KIAA1549L: variants seen among roughly 807,000 people sequenced by gnomAD.
KIAA1549L encodes the protein UPF0606 protein KIAA1549L.
A neutral mutation model predicts 160.7 loss-of-function variants in KIAA1549L; 88 were observed. The observed-to-expected ratio is 0.55, with a 90% CI of 0.46 to 0.65. The LOEUF is 0.65. Ranked by LOEUF, KIAA1549L falls within the 30% of genes least tolerant of loss-of-function variation. The pLI is 0.00. For synonymous variants in KIAA1549L, 950 were observed against 976.7 expected, an observed-to-expected ratio of 0.97 and a Z score of 0.51; for missense variants, 2,258 against 2,437.5, an observed-to-expected ratio of 0.93 and a Z score of 1.55.
Position 33,660,831 on chromosome 11 carries a change from T to C in KIAA1549L, c.6008-32T>C, listed in dbSNP as rs564980112. 19 of 1,610,718 alleles carry C rather than the reference T, an allele frequency of 1.2e-5. 1 individual carries two copies. In the East Asian group the frequency reaches 1.6e-4, roughly 13 times the overall value. Reference sequence around the variant, plus strand: ...GCTGGATCCCTCAGACCAGCCTCTCTTAACCTCCCTCCTCCATTTCCTCCA... The same window carrying C: ...GCTGGATCCCTCAGACCAGCCTCTCCTAACCTCCCTCCTCCATTTCCTCCA... On this transcript the variant is annotated intron_variant, in intron 19 of 20. Transcript: ENST00000658780.
intron 1 of KIAA1549L, among the ~76,000 whole-genome samples, chr11:33,452,614 ATATGTATGTATG>A (rs10551315): frequency 3.3e-5 from 5 of 151,692 alleles, no homozygotes; most frequent in South Asian, 2.1e-4. Flanking sequence ...TCTCAAATAA[ATATGTATGTATG>A]TATGTATGTA....
chr11:33,407,307 A>G (rs1016541629), intron 1 of KIAA1549L, among the ~76,000 whole-genome samples: 9 of 151,094 alleles, frequency 6.0e-5, no homozygotes, highest in East Asian at 5.9e-4. Flanking sequence ...GATGGTCTCT[A>G]TCTCCTGACC....
chr11:33,380,351 C>G (rs983574668), intron 1 of KIAA1549L, among the ~76,000 whole-genome samples: 2 of 152,154 alleles, frequency 1.3e-5, no homozygotes, highest in African/African-American at 4.8e-5. Flanking sequence ...AATACTGTCT[C>G]ATTTAAATAA....
Position 33,419,311 on chromosome 11 carries a change from C to T in KIAA1549L, c.238+42422C>T, listed in dbSNP as rs77180435. Among the ~76,000 whole-genome samples, 484 of 152,278 alleles carry T rather than the reference C, an allele frequency of 3.2e-3. 3 individuals carry two copies. Among genetic ancestry groups the T allele is most frequent in the African/African-American group, 0.011 (469 of 41,540 alleles). ...TGAGTAATGAGCCTGGTGGATAGCT[C>T]TCTAATTATAATGATACCTTGACAT... On this transcript the variant is annotated intron_variant, in intron 1 of 20. Coordinates refer to ENST00000658780, the MANE Select transcript of KIAA1549L (RefSeq NM_012194.3).
intron 15 of KIAA1549L, among the ~76,000 whole-genome samples, chr11:33,614,589 T>A (rs1474796803): frequency 1.2e-3 from 49 of 39,594 alleles, no homozygotes; most frequent in Non-Finnish European, 2.2e-3. Context: ...TATATATTTT[T>A]TTTTTTTTTT....
intron 19 of KIAA1549L, among the ~76,000 whole-genome samples, chr11:33,660,374 G>C (rs146567162): frequency 6.6e-6 from 1 of 152,074 alleles, no homozygotes; most frequent in African/African-American, 2.4e-5. Flanking sequence ...TCAGGAGTTC[G>C]AGACCACGGT....
intron 16 of KIAA1549L, among the ~76,000 whole-genome samples, chr11:33,621,680 A>T (rs1317386983): frequency 6.6e-6 from 1 of 152,242 alleles, no homozygotes; most frequent in East Asian, 1.9e-4. Context: ...AAAATGCTGT[A>T]AATATGATTC....
chr11:33,463,837 T>A (rs1367188630), intron 1 of KIAA1549L, among the ~76,000 whole-genome samples: 3 of 152,238 alleles, frequency 2.0e-5, no homozygotes, highest in African/African-American at 7.2e-5. Flanking sequence ...TTATTAACAA[T>A]GAATTTTTAA....
At chr11:33,528,090 T>C (rs1374508522) in intron 1 of KIAA1549L, among the ~76,000 whole-genome samples, 1 of 152,220 alleles carries the variant, frequency 6.6e-6, no homozygotes, top group Non-Finnish European at 1.5e-5. Flanking sequence ...CCAGCCATGA[T>C]TGCGAGGCCT....
chr11:33,512,787 T>A (rs999822907), intron 1 of KIAA1549L, among the ~76,000 whole-genome samples: 2 of 152,190 alleles, frequency 1.3e-5, no homozygotes, highest in Non-Finnish European at 2.9e-5. Flanking sequence ...ATCAGTTACA[T>A]GAACAAGGTA....
At chr11:33,403,250 C>CACGCGGACAG (rs1565121670) in intron 1 of KIAA1549L, 6 of 60,884 alleles carry the variant, frequency 9.9e-5, no homozygotes, top group African/African-American at 1.5e-4. Context: ...CATATGCAGA[C>CACGCGGACAG]ACACACACAG....
intron 1 of KIAA1549L, among the ~76,000 whole-genome samples, chr11:33,515,241 C>T (rs535966094): frequency 6.6e-6 from 1 of 152,318 alleles, no homozygotes; most frequent in South Asian, 2.1e-4. Context: ...CTTAAGATTA[C>T]ATGGTCTCTT....
At chr11:33,502,850 C>G (rs1193977069) in intron 1 of KIAA1549L, among the ~76,000 whole-genome samples, 1 of 152,134 alleles carries the variant, frequency 6.6e-6, no homozygotes, top group Non-Finnish European at 1.5e-5. Context: ...GGAGATAAAA[C>G]GTAACCTTGT....
chr11:33,654,499 G>T (rs1332482934), intron 17 of KIAA1549L, among the ~76,000 whole-genome samples: 1 of 152,128 alleles, frequency 6.6e-6, no homozygotes, highest in African/African-American at 2.4e-5. Context: ...CTCCAACAAG[G>T]ATTTACAATT....
intron 1 of KIAA1549L, among the ~76,000 whole-genome samples, chr11:33,382,096 A>C (rs910732086): frequency 1.3e-5 from 2 of 152,178 alleles, no homozygotes; most frequent in Admixed American, 6.5e-5. Context: ...AGCCATCAGC[A>C]TGGAAGCGAA....
intron 12 of KIAA1549L, among the ~76,000 whole-genome samples, chr11:33,592,708 A>T (rs1287249419): frequency 6.6e-6 from 1 of 152,242 alleles, no homozygotes; most frequent in African/African-American, 2.4e-5. Flanking sequence ...TTTCTGGATC[A>T]GGTGGTGATG....
At chr11:33,589,081 C>T (rs561469148) in intron 11 of KIAA1549L, among the ~76,000 whole-genome samples, 25 of 152,230 alleles carry the variant, frequency 1.6e-4, no homozygotes, top group African/African-American at 4.6e-4. Flanking sequence ...AAAAACAACC[C>T]TATCAAAAAG....
chr11:33,426,233 AACTCTCTGC>A (rs1332447717), intron 1 of KIAA1549L, among the ~76,000 whole-genome samples: 1 of 152,206 alleles, frequency 6.6e-6, no homozygotes, highest in Non-Finnish European at 1.5e-5. Flanking sequence ...AAGCGTATTG[AACTCTCTGC>A]ACTCTCTGCT....
chr11:33,610,132 G>C (rs1265518176), intron 15 of KIAA1549L, among the ~76,000 whole-genome samples, 166 bp downstream of exon 15: 2 of 151,978 alleles, frequency 1.3e-5, no homozygotes, highest in Admixed American at 6.5e-5. Flanking sequence ...TCTATAATGA[G>C]TCTGAAAGAG....
Sources: gnomAD v4.1 joint callset for allele counts (sites outside exome capture counted in the v4.1 genomes callset) on GRCh38, gnomAD v4.1.1 for gene constraint, MANE v1.5 for transcripts, NCBI Gene and HGNC (gene_info 2026-07-23, HGNC 2026-07-21) for gene names.